Variants in KCNT2 observed in about 807,000 individuals in gnomAD.
The protein encoded by KCNT2 is potassium channel subfamily T member 2.
KCNT2 carries 67 observed loss-of-function variants against 153.8 expected under a neutral mutation model. The ratio of observed to expected loss-of-function variants is 0.44; its 90% CI spans 0.36 to 0.53. KCNT2 has a LOEUF of 0.53. KCNT2 is among the 20% of genes least tolerant of loss of function. KCNT2 has a pLI of 0.00. For synonymous variants in KCNT2, 500 were observed against 458.8 expected, an observed-to-expected ratio of 1.09 and a Z score of -1.15; for missense variants, 975 against 1,354.8, an observed-to-expected ratio of 0.72 and a Z score of 4.40.
chr1:196,605,878 A>G (rs1321794049), intron 1 of KCNT2, among the ~76,000 whole-genome samples: 3 of 152,220 alleles, frequency 2.0e-5, no homozygotes, highest in East Asian at 1.9e-4. Context: ...GCTGTAAATT[A>G]TTCTTATAAG....
chr1:196,339,370 A>G (rs1665366930), intron 16 of KCNT2, among the ~76,000 whole-genome samples: 1 of 152,114 alleles, frequency 6.6e-6, no homozygotes, highest in Non-Finnish European at 1.5e-5. Flanking sequence ...TGAACTGGGT[A>G]GAATCATGGA....
chr1:196,482,377 G>T lies in KCNT2; in HGVS notation c.278C>A (p.Ser93Tyr), dbSNP rs1272224461. 2.0e-6 allele frequency: 3 copies of T among 1,526,050 alleles called. No homozygotes were observed. The Admixed American group carries it at 6.4e-5, about 32-fold the overall frequency. The allele number at this position is 1,526,050 out of a possible 1,614,324, so 94.5% of individuals were successfully genotyped here. A position where few individuals can be genotyped will look rare whatever the true frequency, so the allele number is the denominator to read the frequency against. ...LENPSQGNEWSHIFWVNRSLP... is the reference protein window; with the variant it reads ...LENPSQGNEWYHIFWVNRSLP... ...ACTTCTGTTCACCCAAAAGATATGA[G>T]ACCTATAAAAAGAATAATAATAAGT... Residue 93 changes from serine to tyrosine, a missense_variant and splice_region_variant, in exon 4 of 28, where the codon TCT becomes TAT. Physicochemically the swap from Ser to Tyr is moderately radical, Grantham distance 144. This residue lies in a region of KCNT2 where 140 missense variants were observed against 216.0 expected (regional missense o/e 0.65). Coordinates refer to ENST00000294725, the MANE Select transcript of KCNT2 (RefSeq NM_198503.5).
intron 1 of KCNT2, among the ~76,000 whole-genome samples, chr1:196,601,529 C>T (rs1029122566): frequency 6.6e-6 from 1 of 152,184 alleles, no homozygotes; most frequent in Admixed American, 6.5e-5. Flanking sequence ...AGGGTTTCTG[C>T]AGGCTATCAT....
chr1:196,339,520 C>CACAG (rs1005738965), intron 16 of KCNT2, among the ~76,000 whole-genome samples: 24 of 138,016 alleles, frequency 1.7e-4, no homozygotes, highest in East Asian at 1.3e-3. Context: ...CACACACACA[C>CACAG]AGAGAGAGAG....
intron 8 of KCNT2, among the ~76,000 whole-genome samples, chr1:196,448,671 A>T (rs574813509): frequency 9.9e-5 from 15 of 151,752 alleles, no homozygotes; most frequent in Admixed American, 2.0e-4. Context: ...CTCAAATCCT[A>T]TTGTTGAAGT....
chr1:196,329,844 T>A (rs1299236049), intron 18 of KCNT2, among the ~76,000 whole-genome samples: 2 of 143,936 alleles, frequency 1.4e-5, no homozygotes, highest in African/African-American at 5.2e-5. Flanking sequence ...TGTATTTATG[T>A]ACATATATGT....
At chr1:196,451,817 AT>A in intron 8 of KCNT2, among the ~76,000 whole-genome samples, 1 of 151,416 alleles carries the variant, frequency 6.6e-6, no homozygotes, top group East Asian at 2.0e-4. Context: ...GTTGTTACTC[AT>A]TTTTCCCCTC....
intron 26 of KCNT2, among the ~76,000 whole-genome samples, chr1:196,240,476 A>C (rs930513980): frequency 6.6e-6 from 1 of 152,030 alleles, no homozygotes; most frequent in East Asian, 1.9e-4. Flanking sequence ...GTGCAACATA[A>C]AGGTTATGTA....
chr1:196,456,119 T>A (rs2148635387), intron 8 of KCNT2, among the ~76,000 whole-genome samples: 1 of 152,134 alleles, frequency 6.6e-6, no homozygotes, highest in Middle Eastern at 3.4e-3. Flanking sequence ...GGCACTTTTC[T>A]TGCCTGCCTC....
At chr1:196,384,733 G>A (rs1051711734) in intron 13 of KCNT2, among the ~76,000 whole-genome samples, 3 of 144,894 alleles carry the variant, frequency 2.1e-5, no homozygotes, top group Non-Finnish European at 4.5e-5. Flanking sequence ...AAAAAAATCT[G>A]TTAAAACTGT....
At chr1:196,351,097 G>A (rs886163948) in intron 14 of KCNT2, among the ~76,000 whole-genome samples, 1 of 152,118 alleles carries the variant, frequency 6.6e-6, no homozygotes, top group Non-Finnish European at 1.5e-5. Context: ...TGCTGCTTTG[G>A]TTACTGTAGC....
chr1:196,505,838 T>C (rs1211437979), intron 1 of KCNT2, among the ~76,000 whole-genome samples: 1 of 152,160 alleles, frequency 6.6e-6, no homozygotes. Flanking sequence ...TTTATTCTCT[T>C]TGAAGCAATT....
intron 12 of KCNT2, among the ~76,000 whole-genome samples, chr1:196,413,385 A>C (rs1285109559): frequency 6.6e-6 from 1 of 151,690 alleles, no homozygotes; most frequent in African/African-American, 2.4e-5. Context: ...TGACTTATTA[A>C]ATGTCAAATG....
intron 12 of KCNT2, among the ~76,000 whole-genome samples, chr1:196,406,592 CAAAAAAA>C (rs11357087): frequency 7.4e-6 from 1 of 135,468 alleles, no homozygotes; most frequent in Non-Finnish European, 1.6e-5. Context: ...ACATCAAAGT[CAAAAAAA>C]AAAAAAAAAT....
intron 8 of KCNT2, among the ~76,000 whole-genome samples, chr1:196,457,065 C>A (rs181668116): frequency 4.6e-5 from 7 of 151,992 alleles, no homozygotes; most frequent in Admixed American, 3.3e-4. Context: ...TAATTTTTTA[C>A]ACCCAAACTT....
chr1:196,397,241 T>A (rs1382975472), intron 13 of KCNT2, among the ~76,000 whole-genome samples: 1 of 151,420 alleles, frequency 6.6e-6, no homozygotes, highest in Non-Finnish European at 1.5e-5. Flanking sequence ...TCATAGCAAG[T>A]CATCACCATA....
chr1:196,382,082 A>AATTTATTTATTTATTT (rs547804260), intron 13 of KCNT2, among the ~76,000 whole-genome samples: 27,109 of 143,078 alleles, frequency 0.19, 2,961 homozygotes, highest in Middle Eastern at 0.28. Flanking sequence ...TGTTTAACCA[A>AATTTATTTATTTATTT]ATTTATTTAT....
At chr1:196,239,432 A>C (rs762964403) in intron 26 of KCNT2, among the ~76,000 whole-genome samples, 3 of 151,932 alleles carry the variant, frequency 2.0e-5, no homozygotes, top group Admixed American at 6.6e-5. Flanking sequence ...TTCTTTTGCT[A>C]TATTAACTAG....
At chr1:196,479,542 T>C (rs1678826767) in intron 4 of KCNT2, among the ~76,000 whole-genome samples, 1 of 152,192 alleles carries the variant, frequency 6.6e-6, no homozygotes, top group South Asian at 2.1e-4. Context: ...ACATGATATA[T>C]AAAGAACAGG....
Sources: allele counts gnomAD v4.1 joint callset (sites outside exome capture counted in the v4.1 genomes callset), GRCh38; gene constraint gnomAD v4.1.1; regional missense constraint gnomAD v4.1.1; transcripts MANE v1.5; gene names NCBI Gene and HGNC (gene_info 2026-07-23, HGNC 2026-07-21).